The following PCSK1 variants were observed in gnomAD, a reference collection of about 807,000 sequenced individuals.
PCSK1 encodes neuroendocrine convertase 1.
In PCSK1, 56 loss-of-function variants were observed where a neutral mutation model predicts 90.6. The ratio of observed to expected loss-of-function variants is 0.62; its 90% CI spans 0.50 to 0.77. The LOEUF (loss-of-function observed/expected upper bound fraction) is 0.77. Among genes scored for constraint, PCSK1 ranks in the 30% least tolerant of loss-of-function variants. The pLI, the probability that PCSK1 is intolerant of heterozygous loss-of-function variation, is 0.00. For missense variants in PCSK1, 801 were observed against 932.6 expected, an observed-to-expected ratio of 0.86 and a Z score of 1.84; for synonymous variants, 348 against 342.4, an observed-to-expected ratio of 1.02 and a Z score of -0.18.
chr5:96,412,764 T>G lies in PCSK1; in HGVS notation c.710-274A>C, dbSNP rs968577702. On this transcript the variant is annotated intron_variant, in intron 6 of 13. Coordinates refer to ENST00000311106, the MANE Select transcript of PCSK1 (RefSeq NM_000439.5). ...AGGCAGCTGTGATGTTTTTTTTTTT[T>G]TTTTTTTTTTTGGTCCCACTCAAGG... 1.0e-4 allele frequency among the ~76,000 whole-genome samples: 15 copies of G among 145,690 alleles called. 1 individual carries two copies. In the East Asian group the frequency reaches 2.9e-3, roughly 28 times the overall value.
rs188670849 is a variant in PCSK1, at chr5:96,433,063, C to G, written c.-21G>C. The G allele has an allele frequency of 1.9e-6, 3 of 1,611,312 alleles. No homozygotes were observed. Among genetic ancestry groups the G allele is most frequent in the Admixed American group, 3.3e-5 (2 of 60,004 alleles). On this transcript the variant is annotated 5_prime_UTR_variant, in exon 1 of 14. Coordinates refer to ENST00000311106, the MANE Select transcript of PCSK1 (RefSeq NM_000439.5). ...TCCATAGCTCACACACTCGCTTGAA[C>G]AAGAGTGGGAAGGGAAGAGGAAAAA... is the stretch of plus-strand genomic sequence containing the variant.
At chr5:96,432,083 T>C (rs1308767149) in intron 1 of PCSK1, 1 of 1,531,910 alleles carries the variant, frequency 6.5e-7, no homozygotes, top group Non-Finnish European at 8.7e-7. Context: ...GATTACGTAC[T>C]TGGCTGAAGA....
At chr5:96,413,005 G>A (rs973506827) in intron 6 of PCSK1, 28 of 979,828 alleles carry the variant, frequency 2.9e-5, no homozygotes, top group Admixed American at 1.7e-4. Context: ...CCCAGTCTAC[G>A]CCACACAAGG....
chr5:96,400,070 C>A lies in PCSK1; in HGVS notation c.1313G>T (p.Arg438Leu). 3 of 1,614,138 alleles carry A rather than the reference C, an allele frequency of 1.9e-6. No individual in the cohort carries two copies. The highest frequency in any genetic ancestry group is 8.5e-7 in the Non-Finnish European group (1 of 1,180,004). ...KNGAGLMVNSRFGFGLLNAKA... is the reference protein window; with the variant it reads ...KNGAGLMVNSLFGFGLLNAKA... ...GGCATTTAGCAAGCCAAATCCAAATCGACTATTCACCATCAAGCCTGCTCC... is the reference window on the plus strand; with the variant it reads ...GGCATTTAGCAAGCCAAATCCAAATAGACTATTCACCATCAAGCCTGCTCC... The change falls in exon 10 of 14, where the codon CGA (arginine) becomes CTA (leucine). Residue 438 changes from arginine (R) to leucine (L), a missense_variant. Transcript: ENST00000311106.
intron 6 of PCSK1, among the ~76,000 whole-genome samples, chr5:96,412,752 G>GTTTTTTTGTTTTTTTTTTTT (rs1760802563): frequency 1.4e-5 from 1 of 71,832 alleles, no homozygotes; most frequent in African/African-American, 9.0e-5. Context: ...CAGCTGTGAT[G>GTTTTTTTGTTTTTTTTTTTT]TTTTTTTTTT....
At position 96,433,153 on chromosome 5, in the gene PCSK1, T is replaced by A; in HGVS notation, c.-111A>T. The A allele has an allele frequency of 9.9e-7, 1 of 1,011,638 alleles. No individual in the cohort carries two copies. The highest frequency in any genetic ancestry group is 1.6e-6 in the Non-Finnish European group (1 of 645,058). 62.7% of individuals were successfully genotyped at this position (1,011,638 alleles called of 1,614,324 possible). The stretch of plus-strand genomic sequence containing the variant: ...CCACCCTCGGGCTCTAGACCACTCC[T>A]GGCTCCTGGTTGCTCTGCGAAGAGC... On this transcript the variant is annotated 5_prime_UTR_variant, in exon 1 of 14. Coordinates refer to ENST00000311106, the MANE Select transcript of PCSK1 (RefSeq NM_000439.5).
chr5:96,418,657 T>C (rs1761010363), intron 5 of PCSK1, among the ~76,000 whole-genome samples: 1 of 152,178 alleles, frequency 6.6e-6, no homozygotes, highest in African/African-American at 2.4e-5. Context: ...CTCCAATTGC[T>C]GTAAAGGCCA....
chr5:96,425,799 A>T, intron 3 of PCSK1, 21 bp downstream of exon 3: 1 of 1,317,144 alleles, frequency 7.6e-7, no homozygotes, highest in Non-Finnish European at 1.1e-6. Context: ...CCACCCACAT[A>T]GTCCTTCTGT....
chr5:96,412,243 C>A (rs779711265), intron 7 of PCSK1, 75 bp downstream of exon 7: 1 of 1,220,252 alleles, frequency 8.2e-7, no homozygotes, highest in Non-Finnish European at 1.2e-6. Context: ...TCCATGTAAC[C>A]TAAGTGTTCT....
intron 4 of PCSK1, among the ~76,000 whole-genome samples, 180 bp downstream of exon 4, chr5:96,423,133 C>A (rs112831850): frequency 6.6e-6 from 1 of 152,150 alleles, no homozygotes. Flanking sequence ...TATTTCAATG[C>A]CCACTGGTAC....
intron 6 of PCSK1, 41 bp downstream of exon 6, chr5:96,415,992 A>T (rs1760926586): frequency 8.1e-7 from 1 of 1,231,670 alleles, no homozygotes; most frequent in Admixed American, 1.7e-5. Flanking sequence ...TGTAAGCTTC[A>T]CATTAAAATG....
chr5:96,402,211 C>A (rs905422836), intron 9 of PCSK1, among the ~76,000 whole-genome samples: 2 of 152,140 alleles, frequency 1.3e-5, no homozygotes, highest in African/African-American at 4.8e-5. Context: ...AGTTAAAAAC[C>A]GTGTGTGATT....
chr5:96,393,316 G>A lies in PCSK1; in HGVS notation c.1947C>T (p.Ser649=), dbSNP rs1161724421. The A allele has an allele frequency of 6.2e-7, 1 of 1,614,132 alleles. No homozygotes were observed. The highest frequency in any genetic ancestry group is 2.2e-5 in the East Asian group (1 of 44,880). The change falls in exon 14 of 14, where the codon AGC becomes AGT. Residue 649 remains serine (S), a synonymous_variant. Transcript: ENST00000311106. ...ACTCATCCCTCCGGCCCCCTACGCT[G>A]CTGCTGCTGGGGCTTTTGGACACCA... The part of the protein sequence containing the change: ...NTLVSKSPSS[S]SVGGRRDELE...
In PCSK1 at chr5:96,432,197, G is replaced by C. The variant is rs368489294; in HGVS notation, c.180+666C>G. The C allele has an allele frequency of 2.7e-3, 3,847 of 1,426,310 alleles. 11 individuals carry two copies. Among genetic ancestry groups the C allele is most frequent in the South Asian group, 5.6e-3 (455 of 81,420 alleles). 88.4% of individuals were successfully genotyped at this position (1,426,310 alleles called of 1,614,324 possible). ...GAAGCTTGGACTTTATAAGTTCCCA[G>C]TGAAAAGCCGGAGCTCCCTAGAGAG... On this transcript the variant is annotated intron_variant, in intron 1 of 13. Transcript: ENST00000311106.
chr5:96,429,445 AT>A (rs910798948), intron 1 of PCSK1, 128 bp from the exon 2 acceptor site: 37 of 634,354 alleles, frequency 5.8e-5, no homozygotes, highest in Middle Eastern at 4.2e-4. Context: ...TGAAATTAAT[AT>A]TTTTTTTCTT....
chr5:96,429,860 G>A (rs1761436539), intron 1 of PCSK1, among the ~76,000 whole-genome samples: 1 of 152,152 alleles, frequency 6.6e-6, no homozygotes, highest in South Asian at 2.1e-4. Flanking sequence ...ACAGTAGGAG[G>A]CTAGTGATGC....
At chr5:96,412,293 T>C in intron 7 of PCSK1, 25 bp downstream of exon 7, 1 of 1,602,744 alleles carries the variant, frequency 6.2e-7, no homozygotes, top group African/African-American at 1.3e-5. Flanking sequence ...TTTCATTTCA[T>C]GTGGGTCTGT....
In PCSK1 at chr5:96,398,978, G is replaced by A; in HGVS notation, c.1489C>T (p.Gln497Ter). 2 of 1,612,294 alleles carry A rather than the reference G, an allele frequency of 1.2e-6. No individual in the cohort carries two copies. Among genetic ancestry groups the A allele is most frequent in the Non-Finnish European group, 1.7e-6 (2 of 1,178,482 alleles). The change falls in exon 11 of 14, where the codon CAA becomes TAA. Residue 497 changes from glutamine to a stop codon, truncating the protein, a stop_gained. Coordinates refer to ENST00000311106, the MANE Select transcript of PCSK1 (RefSeq NM_000439.5). LOFTEE classifies it high-confidence loss of function. ...TCCAGGGACTTGATAGCATTTTCTTGTCCTTCACAAGCTCTTGTTGGAATT... is the reference window on the plus strand; with the variant it reads ...TCCAGGGACTTGATAGCATTTTCTTATCCTTCACAAGCTCTTGTTGGAATT... ...IEIPTRACEGQENAIKSLEHV... is the reference protein window; with the variant it reads ...IEIPTRACEG
chr5:96,400,858 C>G (rs1296920269), intron 9 of PCSK1, among the ~76,000 whole-genome samples: 2 of 119,936 alleles, frequency 1.7e-5, no homozygotes, highest in African/African-American at 7.1e-5. Context: ...GAGGCCGAGG[C>G]GGGCGGATCA....
Sources: allele counts gnomAD v4.1 joint callset (sites outside exome capture counted in the v4.1 genomes callset), GRCh38; gene constraint gnomAD v4.1.1; transcripts MANE v1.5; gene names NCBI Gene and HGNC (gene_info 2026-07-23, HGNC 2026-07-21).